KRABD3: variants seen among roughly 807,000 people sequenced by gnomAD.
KRABD3 encodes KRAB domain containing 3.
the KRABD3 span, chr7:149,734,049 G>A: frequency 1.9e-6 from 3 of 1,598,174 alleles, no homozygotes; most frequent in African/African-American, 1.3e-5. Context: ...GCGCATTGAT[G>A]GCATTCCTCT....
At chr7:149,715,377 G>C in the KRABD3 span, 12 of 1,155,278 alleles carry the variant, frequency 1.0e-5, no homozygotes, top group Non-Finnish European at 1.3e-5. Flanking sequence ...TTCTGTTCTT[G>C]GTGGAATCCT....
the KRABD3 span, chr7:149,726,193 A>G: frequency 1.3e-6 from 1 of 782,034 alleles, no homozygotes; most frequent in East Asian, 2.7e-5. Flanking sequence ...CTGAGGCAGG[A>G]GCAGATGCGG....
the KRABD3 span, among the ~76,000 whole-genome samples, chr7:149,732,623 AAAC>A: frequency 4.0e-5 from 6 of 149,264 alleles, no homozygotes; most frequent in African/African-American, 1.5e-4. The surrounding 1 kb of genome is among the most constrained non-coding windows in gnomAD (Gnocchi z 4.0). Flanking sequence ...TTTTTAAAAA[AAAC>A]AAAAAGCTTA....
chr7:149,733,887 C>G, the KRABD3 span: 1 of 1,590,496 alleles, frequency 6.3e-7, no homozygotes, highest in East Asian at 2.3e-5. Context: ...TCTCCTCCTG[C>G]AGCCAGTGCA....
chr7:149,719,168 G>A, the KRABD3 span, among the ~76,000 whole-genome samples: 1 of 152,220 alleles, frequency 6.6e-6, no homozygotes, highest in African/African-American at 2.4e-5. This position sits in a 1 kb window ranked among gnomAD's most constrained non-coding sequence, Gnocchi z 5.6. Context: ...CTGCATGACT[G>A]TAGTCTCTGC....
At chr7:149,731,896 C>T in the KRABD3 span, 23 of 657,876 alleles carry the variant, frequency 3.5e-5, no homozygotes, top group Non-Finnish European at 5.6e-5. Flanking sequence ...ACCTGTAATG[C>T]ACTTCAGGTT....
chr7:149,734,074 C>T, the KRABD3 span: 24 of 1,568,504 alleles, frequency 1.5e-5, no homozygotes, highest in Middle Eastern at 2.3e-4. Context: ...CACATCTGCT[C>T]GTTCTTGCCG....
the KRABD3 span, chr7:149,722,532 G>A: frequency 1.2e-5 from 19 of 1,591,238 alleles, no homozygotes; most frequent in Non-Finnish European, 1.3e-5. Context: ...CAGAGGACAG[G>A]AGAGAGGGAC....
At chr7:149,719,343 T>C in the KRABD3 span, 2 of 489,978 alleles carry the variant, frequency 4.1e-6, no homozygotes, top group Non-Finnish European at 7.1e-6. The surrounding 1 kb of genome is among the most constrained non-coding windows in gnomAD (Gnocchi z 5.6). Context: ...CTTACAGGCG[T>C]GAGGGTTAGG....
chr7:149,717,639 T>C, the KRABD3 span, among the ~76,000 whole-genome samples: 1 of 152,138 alleles, frequency 6.6e-6, no homozygotes, highest in Non-Finnish European at 1.5e-5. Context: ...CATCAGCCTC[T>C]GGGCCTCCGG....
At chr7:149,732,640 C>T in the KRABD3 span, among the ~76,000 whole-genome samples, 94 of 152,136 alleles carry the variant, frequency 6.2e-4, no homozygotes, top group African/African-American at 2.2e-3. The surrounding 1 kb of genome is among the most constrained non-coding windows in gnomAD (Gnocchi z 4.0). Context: ...AAGCTTATGA[C>T]TCCTATGAAT....
the KRABD3 span, chr7:149,729,173 T>C: frequency 6.8e-7 from 1 of 1,463,798 alleles, no homozygotes; most frequent in South Asian, 1.5e-5. Context: ...GCCTTCTGAT[T>C]TCTCATTAAA....
At chr7:149,726,747 G>T in the KRABD3 span, among the ~76,000 whole-genome samples, 5 of 151,970 alleles carry the variant, frequency 3.3e-5, no homozygotes, top group Non-Finnish European at 1.5e-5. Context: ...CTGTACAGAA[G>T]ATTTAAAAAA....
At chr7:149,722,543 C>G in the KRABD3 span, 1 of 1,609,326 alleles carries the variant, frequency 6.2e-7, no homozygotes, top group Admixed American at 1.7e-5. Context: ...AGAGAGGGAC[C>G]TCAGAGGCCG....
At chr7:149,715,040 A>AG in the KRABD3 span, 4 of 1,227,736 alleles carry the variant, frequency 3.3e-6, no homozygotes, top group Non-Finnish European at 4.1e-6. Flanking sequence ...AGTGGCGGGG[A>AG]GGCTGAGCCC....
chr7:149,733,933 C>G, the KRABD3 span: 1 of 1,596,172 alleles, frequency 6.3e-7, no homozygotes, highest in Non-Finnish European at 8.5e-7. Flanking sequence ...TGGCACCAGA[C>G]GGGATCCCAG....
the KRABD3 span, among the ~76,000 whole-genome samples, chr7:149,732,342 A>G: frequency 7.9e-5 from 12 of 152,216 alleles, no homozygotes; most frequent in Middle Eastern, 3.4e-3. This position sits in a 1 kb window ranked among gnomAD's most constrained non-coding sequence, Gnocchi z 4.0. Context: ...CCAGGCCGAG[A>G]TCCTTATTGA....
the KRABD3 span, among the ~76,000 whole-genome samples, chr7:149,715,838 A>C: frequency 6.6e-6 from 1 of 152,206 alleles, no homozygotes; most frequent in African/African-American, 2.4e-5. Flanking sequence ...GGGACAGTCA[A>C]GTGTCCTTTT....
the KRABD3 span, among the ~76,000 whole-genome samples, chr7:149,723,327 G>A: frequency 3.3e-5 from 5 of 152,214 alleles, no homozygotes; most frequent in African/African-American, 4.8e-5. Context: ...AGTCAGACCC[G>A]GAGAGGCTCC....
Sources: gnomAD v4.1 joint callset for allele counts (sites outside exome capture counted in the v4.1 genomes callset) on GRCh38, gnomAD v4.1.1 for gene constraint, Gnocchi (gnomAD v3.1) non-coding constraint, MANE v1.5 for transcripts, NCBI Gene and HGNC (gene_info 2026-07-23, HGNC 2026-07-21) for gene names.